INO80: variants seen among roughly 807,000 people sequenced by gnomAD.
The protein encoded by INO80 is INO80 complex ATPase subunit, also known as chromatin-remodeling ATPase INO80.
A neutral mutation model predicts 203.4 loss-of-function variants in INO80; 20 were observed. The ratio of observed to expected loss-of-function variants is 0.10; its 90% CI spans 0.07 to 0.14. The LOEUF (loss-of-function observed/expected upper bound fraction) is 0.14, where lower values mean the gene tolerates loss of function less well. INO80 is among the 10% of genes least tolerant of loss of function. INO80 has a pLI of 1.00. For missense variants in INO80, 1,419 were observed against 1,914.4 expected (o/e 0.74, Z 4.83); for synonymous variants, 726 against 685.2 (o/e 1.06, Z -0.93).
chr15:41,046,704 A>G (rs12903676), intron 23 of INO80, among the ~76,000 whole-genome samples: 150,113 of 152,052 alleles, frequency 0.99, 74,122 homozygotes, highest in East Asian at 1. Flanking sequence ...TGCAACCTCC[A>G]CCTCCTGGGT....
At chr15:41,083,917 T>C (rs577566297) in intron 7 of INO80, among the ~76,000 whole-genome samples, 1 of 152,272 alleles carries the variant, frequency 6.6e-6, no homozygotes, top group South Asian at 2.1e-4. Context: ...TACCATACTT[T>C]TTTAACTGTA....
intron 27 of INO80, among the ~76,000 whole-genome samples, chr15:41,007,765 C>CAA (rs34661844): frequency 0.45 from 60,992 of 134,614 alleles, 15,207 homozygotes; most frequent in East Asian, 0.69. Flanking sequence ...TAAATAGCTT[C>CAA]AAAAAAAAAA....
chr15:41,072,016 C>T lies in INO80; in HGVS notation c.1438G>A (p.Ala480Thr), dbSNP rs2045326844. Residue 480 changes from alanine (A) to threonine (T), a missense_variant, in exon 12 of 36, where the codon GCC becomes ACC. By Grantham distance (58) the Ala-to-Thr change is moderately conservative. Coordinates refer to ENST00000648947, the MANE Select transcript of INO80 (RefSeq NM_017553.3). ...CCAGACTTGTTTGCTGCCCGTAGGG[C>T]AGCTGCTCGACTTTCTTTTGCATCT... ...DEDAKESRAA[A>T]LRAANKSGTG... 6.2e-7 allele frequency: 1 copy of T among 1,605,158 alleles called. No individual in the cohort carries two copies. Among genetic ancestry groups the T allele is most frequent in the Non-Finnish European group, 8.5e-7 (1 of 1,177,700 alleles).
chr15:41,049,462 G>A, intron 20 of INO80, 42 bp from the exon 21 acceptor site: 1 of 1,587,952 alleles, frequency 6.3e-7, no homozygotes, highest in East Asian at 2.2e-5. Context: ...ACCACATGCA[G>A]ACATCATACG....
At chr15:41,039,816 C>G (rs1279867873) in intron 24 of INO80, among the ~76,000 whole-genome samples, 1 of 152,224 alleles carries the variant, frequency 6.6e-6, no homozygotes, top group African/African-American at 2.4e-5. Flanking sequence ...AGTCTCCACT[C>G]TACCACCATT....
intron 6 of INO80, among the ~76,000 whole-genome samples, chr15:41,085,908 G>A (rs1480741117): frequency 6.6e-6 from 1 of 152,060 alleles, no homozygotes; most frequent in Admixed American, 6.6e-5. Context: ...CGCCCAGGTT[G>A]GAGTGCAATG....
At position 40,980,208 on chromosome 15, in the gene INO80, G is replaced by A. The variant is rs746058502; in HGVS notation, c.*15C>T. 21 of 1,608,914 alleles carry A rather than the reference G, an allele frequency of 1.3e-5. No homozygotes were observed. In the Admixed American group the frequency reaches 1.3e-4, roughly 10 times the overall value. On this transcript the variant is annotated 3_prime_UTR_variant, in exon 36 of 36. Transcript: ENST00000648947. ...AGCCCTGGTTTGGTTGAAGGAAGTC[G>A]GAGGGCCCAGATGGTTACCGTCCTC...
intron 12 of INO80, among the ~76,000 whole-genome samples, chr15:41,070,877 A>C (rs1425338813): frequency 6.6e-6 from 1 of 152,256 alleles, no homozygotes; most frequent in Non-Finnish European, 1.5e-5. Flanking sequence ...TTACAAAAAA[A>C]CAAAAAGACA....
intron 6 of INO80, 64 bp from the exon 7 acceptor site, chr15:41,085,647 G>C: frequency 7.8e-7 from 1 of 1,280,568 alleles, no homozygotes; most frequent in Non-Finnish European, 1.1e-6. Flanking sequence ...GCAACCTCAT[G>C]ACTTAAAACA....
At chr15:41,066,267 C>T (rs2045211976) in intron 14 of INO80, among the ~76,000 whole-genome samples, 3 of 151,994 alleles carry the variant, frequency 2.0e-5, no homozygotes, top group Admixed American at 2.0e-4. Context: ...CGTGAGCCAC[C>T]GCACCCGGCC....
chr15:41,009,907 C>T lies in INO80; in HGVS notation c.3403-4220G>A, dbSNP rs556708756. ...AAGCCACTGTGCCCGGCCAAACATACCTGTTTTAAAAGCATCGGAACACTT... is the reference window on the plus strand; with the variant it reads ...AAGCCACTGTGCCCGGCCAAACATATCTGTTTTAAAAGCATCGGAACACTT... On this transcript the variant is annotated intron_variant, in intron 27 of 35. Coordinates refer to ENST00000648947, the MANE Select transcript of INO80 (RefSeq NM_017553.3). 2.7e-3 allele frequency among the ~76,000 whole-genome samples: 410 copies of T among 152,218 alleles called. 3 individuals carry two copies. Among genetic ancestry groups the T allele is most frequent in the South Asian group, 0.013 (62 of 4,824 alleles).
intron 5 of INO80, among the ~76,000 whole-genome samples, chr15:41,090,532 C>T (rs963519948): frequency 1.3e-5 from 2 of 152,132 alleles, no homozygotes; most frequent in Non-Finnish European, 2.9e-5. Context: ...GCCAAGATCG[C>T]GCCACTGCAC....
chr15:41,033,045 C>A (rs567692518), intron 24 of INO80, among the ~76,000 whole-genome samples: 10 of 151,968 alleles, frequency 6.6e-5, no homozygotes, highest in East Asian at 1.9e-4. Flanking sequence ...ACAACAACAA[C>A]AAAAAAACAA....
intron 1 of INO80, among the ~76,000 whole-genome samples, chr15:41,109,933 A>G (rs919437046): frequency 3.4e-5 from 5 of 148,168 alleles, no homozygotes; most frequent in African/African-American, 1.2e-4. Context: ...CTCCACCTCA[A>G]AAAAAAAAAA....
chr15:41,031,751 C>G (rs111565486), intron 24 of INO80, among the ~76,000 whole-genome samples: 42 of 151,928 alleles, frequency 2.8e-4, no homozygotes, highest in African/African-American at 1.0e-3. Context: ...TGTCTCATTA[C>G]CCCGGAAGCA....
At chr15:41,032,760 C>G (rs1241870490) in intron 24 of INO80, among the ~76,000 whole-genome samples, 2 of 152,152 alleles carry the variant, frequency 1.3e-5, no homozygotes, top group Non-Finnish European at 2.9e-5. Flanking sequence ...AATGTTCAGG[C>G]CAGGCGTGGT....
rs144765100 is a variant in INO80, at chr15:41,009,079, G to A, written c.3403-3392C>T. Among the ~76,000 whole-genome samples the A allele has an allele frequency of 1.6e-3, 238 of 152,258 alleles. 2 individuals carry two copies. The highest frequency in any genetic ancestry group is 0.014 in the Middle Eastern group (4 of 294). ...ACTCCTGACCTCAGGTGATACATGC[G>A]CCTTGGCTTCCCAAAGTGCTGGGAT... On this transcript the variant is annotated intron_variant, in intron 27 of 35. Coordinates refer to ENST00000648947, the MANE Select transcript of INO80 (RefSeq NM_017553.3).
chr15:41,066,393 G>C (rs2045215505), intron 14 of INO80, among the ~76,000 whole-genome samples: 1 of 152,108 alleles, frequency 6.6e-6, no homozygotes, highest in Non-Finnish European at 1.5e-5. Context: ...CTGGACTCAA[G>C]TGATCTTCCC....
intron 6 of INO80, among the ~76,000 whole-genome samples, chr15:41,087,233 C>A (rs1221606575): frequency 1.3e-5 from 2 of 152,010 alleles, no homozygotes; most frequent in Non-Finnish European, 2.9e-5. Context: ...ATTTACATAG[C>A]ATTTACATCA....
Sources: gnomAD v4.1 joint callset for allele counts (sites outside exome capture counted in the v4.1 genomes callset) on GRCh38, gnomAD v4.1.1 for gene constraint, MANE v1.5 for transcripts, NCBI Gene and HGNC (gene_info 2026-07-23, HGNC 2026-07-21) for gene names.